Variants in NKAIN2 observed in about 807,000 individuals in gnomAD.
NKAIN2 encodes the protein sodium/potassium transporting ATPase interacting 2, also known as sodium/potassium-transporting ATPase subunit beta-1-interacting protein 2.
In NKAIN2, 14 loss-of-function variants were observed where a neutral mutation model predicts 32.6. The observed-to-expected ratio is 0.43, with a 90% confidence interval of 0.28 to 0.67. The LOEUF (loss-of-function observed/expected upper bound fraction) is 0.67, where lower values mean the gene tolerates loss of function less well. NKAIN2 is among the 30% of genes least tolerant of loss of function. The pLI is 0.17. For synonymous variants in NKAIN2, 80 were observed against 87.2 expected, an observed-to-expected ratio of 0.92 and a Z score of 0.46; for missense variants, 198 against 258.3, an observed-to-expected ratio of 0.77 and a Z score of 1.60.
intron 1 of NKAIN2, among the ~76,000 whole-genome samples, chr6:124,181,606 A>T (rs1046630401): frequency 6.6e-6 from 1 of 152,178 alleles, no homozygotes; most frequent in African/African-American, 2.4e-5. Context: ...TGCTGCTTAG[A>T]AATTTCTTCC....
intron 1 of NKAIN2, among the ~76,000 whole-genome samples, chr6:123,915,869 A>G (rs1280279482): frequency 6.6e-6 from 1 of 152,216 alleles, no homozygotes; most frequent in Non-Finnish European, 1.5e-5. Flanking sequence ...TGAAAAGAGA[A>G]AAACTAATTC....
intron 4 of NKAIN2, among the ~76,000 whole-genome samples, chr6:124,670,011 T>C (rs1230904915): frequency 1.3e-5 from 2 of 152,090 alleles, no homozygotes; most frequent in African/African-American, 4.8e-5. Context: ...CTCTGTTTTC[T>C]ATCTCCTCCC....
chr6:124,490,305 A>C (rs1336086998), intron 3 of NKAIN2: 1 of 410,158 alleles, frequency 2.4e-6, no homozygotes, highest in East Asian at 7.1e-5. Flanking sequence ...CATCACCACC[A>C]ATTAGAGAAT....
At chr6:124,738,197 C>A (rs1267424815) in intron 4 of NKAIN2, among the ~76,000 whole-genome samples, 1 of 151,776 alleles carries the variant, frequency 6.6e-6, no homozygotes, top group African/African-American at 2.4e-5. Context: ...CATTGAACAG[C>A]ACACTTAACT....
At chr6:124,629,869 C>T (rs1295610008) in intron 3 of NKAIN2, among the ~76,000 whole-genome samples, 1 of 151,064 alleles carries the variant, frequency 6.6e-6, no homozygotes, top group Non-Finnish European at 1.5e-5. Context: ...TTGTCATATC[C>T]AAGAGATACT....
At chr6:124,182,183 C>T (rs1789479184) in intron 1 of NKAIN2, among the ~76,000 whole-genome samples, 2 of 152,096 alleles carry the variant, frequency 1.3e-5, no homozygotes, top group Admixed American at 6.6e-5. Flanking sequence ...TCATGAGACT[C>T]ATTCACTATC....
chr6:124,579,077 A>G (rs1212685829), intron 3 of NKAIN2, among the ~76,000 whole-genome samples: 2 of 152,170 alleles, frequency 1.3e-5, no homozygotes, highest in Non-Finnish European at 2.9e-5. Context: ...GTGATCAAAA[A>G]CTTAGATTAC....
chr6:124,535,489 C>CT (rs1260438543), intron 3 of NKAIN2, among the ~76,000 whole-genome samples: 1 of 152,208 alleles, frequency 6.6e-6, no homozygotes, highest in African/African-American at 2.4e-5. Flanking sequence ...TGTGGAATCT[C>CT]TGAATTGTTT....
At chr6:124,727,565 C>T (rs1178363255) in intron 4 of NKAIN2, among the ~76,000 whole-genome samples, 6 of 151,874 alleles carry the variant, frequency 4.0e-5, no homozygotes, top group African/African-American at 9.7e-5. Flanking sequence ...AAGTGCTAAA[C>T]ATGGAAAGGA....
intron 4 of NKAIN2, among the ~76,000 whole-genome samples, chr6:124,723,547 G>A (rs913631774): frequency 1.3e-5 from 2 of 152,156 alleles, no homozygotes; most frequent in Non-Finnish European, 2.9e-5. Context: ...TTTATTTTCT[G>A]CAGGGTAGAC....
At chr6:124,737,889 G>C (rs918052280) in intron 4 of NKAIN2, among the ~76,000 whole-genome samples, 33 of 151,924 alleles carry the variant, frequency 2.2e-4, no homozygotes, top group African/African-American at 8.0e-4. Context: ...TTGAACTTGA[G>C]AGAGATGACT....
intron 2 of NKAIN2, among the ~76,000 whole-genome samples, chr6:124,347,990 T>A (rs938131257): frequency 5.9e-5 from 9 of 152,194 alleles, no homozygotes; most frequent in African/African-American, 2.2e-4. Context: ...TCTTTGATGA[T>A]GGTGATGTAC....
Position 124,812,030 on chromosome 6 carries a change from C to T in NKAIN2, c.536-6357C>T, listed in dbSNP as rs1399746239. Among the ~76,000 whole-genome samples, 3 of 152,080 alleles carry T rather than the reference C, an allele frequency of 2.0e-5. No individual in the cohort carries two copies. The East Asian group carries it at 5.8e-4, about 29-fold the overall frequency. ...TGGCCAGAAGGAAAACAAAGTTATTCCTACAATTATCAAGATTGGTAACAC... is the reference window on the plus strand; with the variant it reads ...TGGCCAGAAGGAAAACAAAGTTATTTCTACAATTATCAAGATTGGTAACAC... On this transcript the variant is annotated intron_variant, in intron 5 of 6. Transcript: ENST00000368417.
chr6:124,097,269 G>A (rs112372790), intron 1 of NKAIN2, among the ~76,000 whole-genome samples: 5 of 151,816 alleles, frequency 3.3e-5, no homozygotes, highest in African/African-American at 9.7e-5. Context: ...GCATGGTGGC[G>A]GGCGCCTGTA....
intron 1 of NKAIN2, among the ~76,000 whole-genome samples, chr6:123,911,283 G>C (rs613676): frequency 3.3e-5 from 5 of 151,846 alleles, no homozygotes; most frequent in Non-Finnish European, 7.4e-5. Context: ...GCTTCTGCAG[G>C]CTGTACAAGA....
At chr6:124,103,117 A>T (rs1368186437) in intron 1 of NKAIN2, among the ~76,000 whole-genome samples, 2 of 152,174 alleles carry the variant, frequency 1.3e-5, no homozygotes, top group African/African-American at 4.8e-5. Flanking sequence ...TGTAAAATAA[A>T]AATGTGGTAA....
In NKAIN2 at chr6:124,658,318, G is replaced by T; in HGVS notation, c.406G>T (p.Val136Phe). Residue 136 changes from valine (V) to phenylalanine (F), a missense_variant, in exon 4 of 7, where the codon GTC becomes TTC. Val to Phe is a conservative substitution (Grantham distance 50, BLOSUM62 -1). Coordinates refer to ENST00000368417, the MANE Select transcript of NKAIN2 (RefSeq NM_001040214.3). ...WAPEDHRYIT[V>F]SGCLLEYQYI... ...CCCAGAAGACCATCGCTACATCACGGTCTCAGGGTGTTTGCTGGAGTACCA... is the reference window on the plus strand; with the variant it reads ...CCCAGAAGACCATCGCTACATCACGTTCTCAGGGTGTTTGCTGGAGTACCA... 1.2e-6 allele frequency: 2 copies of T among 1,614,092 alleles called. No individual in the cohort carries two copies. Among genetic ancestry groups the T allele is most frequent in the Non-Finnish European group, 8.5e-7 (1 of 1,180,006 alleles).
chr6:123,939,025 T>C (rs558991713), intron 1 of NKAIN2, among the ~76,000 whole-genome samples: 1 of 151,952 alleles, frequency 6.6e-6, no homozygotes, highest in African/African-American at 2.4e-5. Context: ...TCAGGAGACA[T>C]TATAGCTGTA....
At chr6:124,344,326 G>T (rs1047526702) in intron 2 of NKAIN2, among the ~76,000 whole-genome samples, 1 of 151,984 alleles carries the variant, frequency 6.6e-6, no homozygotes, top group African/African-American at 2.4e-5. Context: ...CTCTTTTTTG[G>T]TTCCATATGA....
Sources: gnomAD v4.1 joint callset for allele counts (sites outside exome capture counted in the v4.1 genomes callset) on GRCh38, gnomAD v4.1.1 for gene constraint, MANE v1.5 for transcripts, NCBI Gene and HGNC (gene_info 2026-07-23, HGNC 2026-07-21) for gene names.